The following SIRT4 variants were observed in gnomAD, a reference collection of about 807,000 sequenced individuals.
SIRT4 encodes the protein sirtuin 4, also known as NAD-dependent protein lipoamidase sirtuin-4, mitochondrial.
Under a neutral mutation model 26.1 loss-of-function variants are expected in SIRT4, and 23 were observed. The observed-to-expected ratio is 0.88, with a 90% CI of 0.63 to 1.25. SIRT4 has a LOEUF of 1.25. Among genes scored for constraint, SIRT4 ranks in the 50% most tolerant of loss-of-function variants. SIRT4 has a pLI of 0.00. For synonymous variants in SIRT4, 155 were observed against 158.4 expected (o/e 0.98, Z 0.16); for missense variants, 361 against 405.4 (o/e 0.89, Z 0.94).
At chr12:120,307,321 C>G (rs1299977698) in intron 2 of SIRT4, among the ~76,000 whole-genome samples, 1 of 152,076 alleles carries the variant, frequency 6.6e-6, no homozygotes, top group Non-Finnish European at 1.5e-5. Context: ...GAAACCCAGT[C>G]TCTACTAAAA....
chr12:120,303,884 G>A lies in SIRT4; in HGVS notation c.323G>A (p.Arg108Lys), dbSNP rs760212493. The A allele has an allele frequency of 6.2e-7, 1 of 1,614,240 alleles. No individual in the cohort carries two copies. Among genetic ancestry groups the A allele is most frequent in the Non-Finnish European group, 8.5e-7 (1 of 1,180,046 alleles). The change falls in exon 2 of 4, where the codon AGA becomes AAA. Residue 108 changes from arginine to lysine, a missense_variant. Transcript: ENST00000202967. ...CCAATCCGCCAGCGGTACTGGGCGAGAAACTTCGTAGGCTGGCCTCAATTC... is the reference window on the plus strand; with the variant it reads ...CCAATCCGCCAGCGGTACTGGGCGAAAAACTTCGTAGGCTGGCCTCAATTC... ...SAPIRQRYWA[R>K]NFVGWPQFSS... is the part of the protein sequence containing the mutation.
At chr12:120,312,397 C>G in intron 2 of SIRT4, 59 bp from the exon 3 acceptor site, 1 of 1,506,228 alleles carries the variant, frequency 6.6e-7, no homozygotes, top group Admixed American at 2.2e-5. Flanking sequence ...TGAAACGTCT[C>G]TGACAGCTTT....
intron 2 of SIRT4, among the ~76,000 whole-genome samples, chr12:120,311,048 TAAAAAAAAAAA>T (rs761606021): frequency 5.8e-5 from 4 of 69,304 alleles, no homozygotes; most frequent in East Asian, 5.1e-4. Flanking sequence ...CCCTGTCTCT[TAAAAAAAAAAA>T]AAAAAAAAAA....
At chr12:120,292,495 T>C in the SIRT4 span, among the ~76,000 whole-genome samples, 1 of 152,066 alleles carries the variant, frequency 6.6e-6, no homozygotes, top group African/African-American at 2.4e-5. Flanking sequence ...TCCCAGCTAG[T>C]CGGGAGGCTG....
chr12:120,295,798 G>A, the SIRT4 span, among the ~76,000 whole-genome samples: 2 of 151,712 alleles, frequency 1.3e-5, no homozygotes, highest in South Asian at 2.1e-4. Flanking sequence ...TGGCTCGAGC[G>A]TGTAATCCCA....
the SIRT4 span, among the ~76,000 whole-genome samples, chr12:120,292,357 C>T: frequency 6.6e-6 from 1 of 152,148 alleles, no homozygotes; most frequent in Non-Finnish European, 1.5e-5. Flanking sequence ...AATCCCAGCA[C>T]TCTGGGAGGC....
At chr12:120,296,256 C>G in the SIRT4 span, among the ~76,000 whole-genome samples, 9 of 151,208 alleles carry the variant, frequency 6.0e-5, no homozygotes, top group Non-Finnish European at 1.0e-4. Flanking sequence ...CTCGCTCTGT[C>G]GCCCAGGCTG....
rs199635993 is a variant in SIRT4, at chr12:120,312,485, C to G, written c.527C>G (p.Thr176Ser). 1.2e-6 allele frequency: 2 copies of G among 1,613,706 alleles called. No individual in the cohort carries two copies. The highest frequency in any genetic ancestry group is 1.7e-6 in the Non-Finnish European group (2 of 1,179,822). Residue 176 changes from threonine to serine, a missense_variant, in exon 3 of 4, where the codon ACT becomes AGT. By Grantham distance (58) the Thr-to-Ser change is moderately conservative. Coordinates refer to ENST00000202967, the MANE Select transcript of SIRT4 (RefSeq NM_012240.3). ...CTGTGCTTGGATTGTGGGGAACAGA[C>G]TCCCCGGGGGGTGCTGCAAGAGCGT... ...RVLCLDCGEQTPRGVLQERFQ... is the reference protein window; with the variant it reads ...RVLCLDCGEQSPRGVLQERFQ...
chr12:120,308,612 T>C (rs998841829), intron 2 of SIRT4, among the ~76,000 whole-genome samples: 1 of 152,202 alleles, frequency 6.6e-6, no homozygotes, highest in East Asian at 1.9e-4. Flanking sequence ...GGTTTGGACC[T>C]GGGACTTGCA....
chr12:120,309,436 G>A (rs1592900608), intron 2 of SIRT4, among the ~76,000 whole-genome samples: 1 of 140,986 alleles, frequency 7.1e-6, no homozygotes, highest in Non-Finnish European at 1.5e-5. Context: ...TTTTGAGACA[G>A]AGTCTCACTC....
Position 120,303,884 on chromosome 12 carries a change from G to C in SIRT4, c.323G>C (p.Arg108Thr), listed in dbSNP as rs760212493. ...SAPIRQRYWA[R>T]NFVGWPQFSS... Reference sequence around the variant, plus strand: ...CCAATCCGCCAGCGGTACTGGGCGAGAAACTTCGTAGGCTGGCCTCAATTC... The same window carrying C: ...CCAATCCGCCAGCGGTACTGGGCGACAAACTTCGTAGGCTGGCCTCAATTC... The change falls in exon 2 of 4, where the codon AGA becomes ACA. Residue 108 changes from arginine (R) to threonine (T), a missense_variant. Coordinates refer to ENST00000202967, the MANE Select transcript of SIRT4 (RefSeq NM_012240.3). The C allele has an allele frequency of 1.2e-6, 2 of 1,614,240 alleles. No individual in the cohort carries two copies. The highest frequency in any genetic ancestry group is 1.7e-6 in the Non-Finnish European group (2 of 1,180,046).
At chr12:120,308,432 C>G (rs907809596) in intron 2 of SIRT4, among the ~76,000 whole-genome samples, 1 of 152,114 alleles carries the variant, frequency 6.6e-6, no homozygotes, top group South Asian at 2.1e-4. Flanking sequence ...CTCGGCCTCC[C>G]AAAGCGCTGG....
chr12:120,306,957 T>G (rs1308004085), intron 2 of SIRT4, among the ~76,000 whole-genome samples: 1 of 152,196 alleles, frequency 6.6e-6, no homozygotes, highest in African/African-American at 2.4e-5. Flanking sequence ...AGCCGGGCAG[T>G]AGTCAGAACT....
chr12:120,300,111 C>T (rs1872490190), upstream of SIRT4, among the ~76,000 whole-genome samples: 1 of 151,836 alleles, frequency 6.6e-6, no homozygotes. Flanking sequence ...ATAGTGAGAC[C>T]GTGTCTCGAC....
chr12:120,292,230 T>G, the SIRT4 span, among the ~76,000 whole-genome samples: 1 of 152,172 alleles, frequency 6.6e-6, no homozygotes, highest in Admixed American at 6.5e-5. Flanking sequence ...GACGGACGAC[T>G]AGCTGTGCTC....
In SIRT4 at chr12:120,303,950, C is replaced by T; in HGVS notation, c.389C>T (p.Thr130Ile). ...AACCCTGCACACTGGGCTTTGAGCA[C>T]CTGGGAGAAACTCGGAAAGCTGTAC... is the stretch of plus-strand genomic sequence containing the variant. ...QPNPAHWALS[T>I]WEKLGKLYWL... Residue 130 changes from threonine (T) to isoleucine (I), a missense_variant, in exon 2 of 4, where the codon ACC becomes ATC. Transcript: ENST00000202967. 5 of 1,614,194 alleles carry T rather than the reference C, an allele frequency of 3.1e-6. No individual in the cohort carries two copies. Among genetic ancestry groups the T allele is most frequent in the Non-Finnish European group, 4.2e-6 (5 of 1,180,040 alleles).
intron 2 of SIRT4, among the ~76,000 whole-genome samples, chr12:120,305,404 C>T (rs1872712763): frequency 6.6e-6 from 1 of 151,968 alleles, no homozygotes; most frequent in Non-Finnish European, 1.5e-5. Flanking sequence ...GCAAACGCCA[C>T]CGTGCCCAGC....
At chr12:120,308,372 T>C (rs965921175) in intron 2 of SIRT4, among the ~76,000 whole-genome samples, 3 of 151,984 alleles carry the variant, frequency 2.0e-5, no homozygotes, top group African/African-American at 7.3e-5. Context: ...GGTTTCATCA[T>C]GTTGGCCAGG....
chr12:120,307,513 A>C (rs1242278204), intron 2 of SIRT4, among the ~76,000 whole-genome samples: 1 of 152,020 alleles, frequency 6.6e-6, no homozygotes, highest in East Asian at 1.9e-4. Flanking sequence ...CCAAAGTATA[A>C]AACATGGCCC....
Sources: allele counts gnomAD v4.1 joint callset (sites outside exome capture counted in the v4.1 genomes callset), GRCh38; gene constraint gnomAD v4.1.1; transcripts MANE v1.5; gene names NCBI Gene and HGNC (gene_info 2026-07-23, HGNC 2026-07-21).